Variants in GRIK4 observed in about 807,000 individuals in gnomAD.
GRIK4 encodes glutamate ionotropic receptor kainate type subunit 4.
A neutral mutation model predicts 104.9 loss-of-function variants in GRIK4; 40 were observed. The observed-to-expected ratio is 0.38, with a 90% CI of 0.30 to 0.50. GRIK4 has a LOEUF of 0.50. Among genes scored for constraint, GRIK4 ranks in the 20% least tolerant of loss-of-function variants. GRIK4 has a pLI of 0.93. For missense variants in GRIK4, 1,047 were observed against 1,308.1 expected, an observed-to-expected ratio of 0.80 and a Z score of 3.08; for synonymous variants, 485 against 524.9, an observed-to-expected ratio of 0.92 and a Z score of 1.04.
rs557181558 is a variant in GRIK4, at chr11:120,721,361, A to G, written c.82+60961A>G. 1.9e-4 allele frequency among the ~76,000 whole-genome samples: 29 copies of G among 152,334 alleles called. No homozygotes were observed. The South Asian group carries it at 5.8e-3, about 30-fold the overall frequency. On this transcript the variant is annotated intron_variant, in intron 3 of 20. Coordinates refer to ENST00000527524, the MANE Select transcript of GRIK4 (RefSeq NM_014619.5). ...GAGAATTAGAACCATGGCAAAGGCA[A>G]TGTTTTAAAGTATTGTGCATTAATA... is the stretch of plus-strand genomic sequence containing the variant.
At chr11:120,664,232 A>G (rs982768338) in intron 3 of GRIK4, among the ~76,000 whole-genome samples, 2 of 152,268 alleles carry the variant, frequency 1.3e-5, no homozygotes, top group Non-Finnish European at 2.9e-5. Context: ...GAAAGAGGAA[A>G]AGGAGAAAAT....
At position 120,815,429 on chromosome 11, in the gene GRIK4, GC is replaced by G; in HGVS notation, c.302del (p.Pro101GlnfsTer37). ...GTCGCTGTCCTCGGACCATCGTCCAGCCCAGCCTCCAGCTCCATCATCAGCA... is the reference window on the plus strand; with the variant it reads ...GTCGCTGTCCTCGGACCATCGTCCAGCCAGCCTCCAGCTCCATCATCAGCA... ...GVVAVLGPSS[S>X]PASSSIISNI... On this transcript the variant is annotated frameshift_variant, in exon 5 of 21. Coordinates refer to ENST00000527524, the MANE Select transcript of GRIK4 (RefSeq NM_014619.5). LOFTEE classifies it high-confidence loss of function. 1 of 1,553,048 alleles carries G rather than the reference GC, an allele frequency of 6.4e-7. No individual in the cohort carries two copies. The highest frequency in any genetic ancestry group is 8.7e-7 in the Non-Finnish European group (1 of 1,147,602).
chr11:120,814,029 G>T (rs1172465151), intron 4 of GRIK4, among the ~76,000 whole-genome samples: 1 of 152,060 alleles, frequency 6.6e-6, no homozygotes, highest in Non-Finnish European at 1.5e-5. Context: ...TAAAATCTTA[G>T]ATTCTCTCCC....
chr11:120,787,306 A>G (rs1242919655), intron 3 of GRIK4, among the ~76,000 whole-genome samples: 4 of 152,132 alleles, frequency 2.6e-5, no homozygotes, highest in Non-Finnish European at 5.9e-5. Flanking sequence ...TCCAGCCTGG[A>G]CAGCAGAGTG....
chr11:120,986,154 G>A lies in GRIK4; in HGVS notation c.2765G>A (p.Cys922Tyr), dbSNP rs769478134. 3.9e-6 allele frequency: 6 copies of A among 1,543,072 alleles called. No homozygotes were observed. The highest frequency in any genetic ancestry group is 2.5e-5 in the East Asian group (1 of 39,854). The change falls in exon 21 of 21, where the codon TGC becomes TAC. Residue 922 changes from cysteine (C) to tyrosine (Y), a missense_variant. Physicochemically the swap from Cys to Tyr is radical, Grantham distance 194. Transcript: ENST00000527524. ...CGCGGCTGCACGCACATCCGCGTCT[G>A]CCCCGAGTGCCGCCGCTTCCAGGGC... ...VARGCTHIRVCPECRRFQGLR... is the reference protein window; with the variant it reads ...VARGCTHIRVYPECRRFQGLR...
At chr11:120,814,611 C>T (rs970134574) in intron 4 of GRIK4, among the ~76,000 whole-genome samples, 2 of 152,032 alleles carry the variant, frequency 1.3e-5, no homozygotes, top group Non-Finnish European at 2.9e-5. Flanking sequence ...TAAATAAATA[C>T]ATAAATAAGC....
chr11:120,784,067 T>C (rs897665233), intron 3 of GRIK4, among the ~76,000 whole-genome samples: 33 of 152,262 alleles, frequency 2.2e-4, no homozygotes, highest in African/African-American at 7.9e-4. Context: ...CCCCAGCATG[T>C]AGAACAGTGA....
chr11:120,639,214 A>G (rs1268195739), intron 1 of GRIK4, among the ~76,000 whole-genome samples: 1 of 152,168 alleles, frequency 6.6e-6, no homozygotes, highest in African/African-American at 2.4e-5. Context: ...AAAATAAAAA[A>G]TAAAAATAAA....
intron 3 of GRIK4, among the ~76,000 whole-genome samples, chr11:120,672,124 A>G (rs1376357078): frequency 1.3e-5 from 2 of 152,146 alleles, no homozygotes; most frequent in African/African-American, 4.8e-5. Flanking sequence ...TTTTGGTTCC[A>G]TATGAAATTT....
intron 3 of GRIK4, among the ~76,000 whole-genome samples, chr11:120,776,881 G>A (rs1021878277): frequency 2.6e-5 from 4 of 152,236 alleles, no homozygotes; most frequent in Non-Finnish European, 5.9e-5. Context: ...ACAAGAGAGA[G>A]AAGAGTCCCC....
intron 3 of GRIK4, among the ~76,000 whole-genome samples, chr11:120,687,398 T>A (rs571511168): frequency 2.6e-5 from 4 of 152,376 alleles, no homozygotes; most frequent in African/African-American, 9.6e-5. Context: ...TGTTTTCAAT[T>A]TCTGGTAAGA....
rs191035354 is a variant in GRIK4, at chr11:120,961,830, A to G, written c.2041-626A>G. ...TTCATTTTCCCATGAAACAAGTCCA[A>G]TGCCTTCAGCTTTCTGTTTTCCAGG... On this transcript the variant is annotated intron_variant, in intron 17 of 20. Coordinates refer to ENST00000527524, the MANE Select transcript of GRIK4 (RefSeq NM_014619.5). Among the ~76,000 whole-genome samples, 100 of 152,336 alleles carry G rather than the reference A, an allele frequency of 6.6e-4. 1 individual carries two copies. In the South Asian group the frequency reaches 0.01, roughly 15 times the overall value.
intron 3 of GRIK4, among the ~76,000 whole-genome samples, chr11:120,756,561 C>T (rs79530554): frequency 0.031 from 4,703 of 152,288 alleles, 113 homozygotes; most frequent in Middle Eastern, 0.065. Context: ...CCATACTGGA[C>T]TCCAAATTAT....
At chr11:120,783,692 T>A (rs1458189804) in intron 3 of GRIK4, among the ~76,000 whole-genome samples, 1 of 152,186 alleles carries the variant, frequency 6.6e-6, no homozygotes, top group Non-Finnish European at 1.5e-5. Context: ...TTTCCCCTCG[T>A]CCCTCTATGC....
At chr11:120,867,209 C>G (rs1954445049) in intron 9 of GRIK4, among the ~76,000 whole-genome samples, 1 of 152,118 alleles carries the variant, frequency 6.6e-6, no homozygotes, top group African/African-American at 2.4e-5. Flanking sequence ...TAGCAACACA[C>G]CTCTCTCAAG....
At chr11:120,917,269 A>AAAG (rs1555093244) in intron 13 of GRIK4, among the ~76,000 whole-genome samples, 357 of 138,228 alleles carry the variant, frequency 2.6e-3, no homozygotes, top group African/African-American at 0.01. Context: ...AAAAAAAAAA[A>AAAG]AAAGAAAGAA....
intron 1 of GRIK4, among the ~76,000 whole-genome samples, chr11:120,563,720 C>G (rs1948269653): frequency 1.3e-5 from 2 of 152,132 alleles, no homozygotes; most frequent in African/African-American, 4.8e-5. Context: ...AGATGTGGCA[C>G]TCAGGGTTAG....
At chr11:120,947,154 A>G (rs1006607078) in intron 14 of GRIK4, among the ~76,000 whole-genome samples, 1 of 152,240 alleles carries the variant, frequency 6.6e-6, no homozygotes, top group African/African-American at 2.4e-5. Context: ...CTGTAATCCC[A>G]GCATTTTGGG....
intron 1 of GRIK4, among the ~76,000 whole-genome samples, chr11:120,638,680 T>C (rs1949430682): frequency 6.6e-6 from 1 of 151,676 alleles, no homozygotes; most frequent in Non-Finnish European, 1.5e-5. Flanking sequence ...GGTTTCACCA[T>C]GTTAGCCAGG....
Sources: allele counts gnomAD v4.1 joint callset (sites outside exome capture counted in the v4.1 genomes callset), GRCh38; gene constraint gnomAD v4.1.1; transcripts MANE v1.5; gene names NCBI Gene and HGNC (gene_info 2026-07-23, HGNC 2026-07-21).